FRS2: variants seen among roughly 807,000 people sequenced by gnomAD.
FRS2 encodes the protein FGFR signalling adaptor.
FRS2 carries 8 observed loss-of-function variants against 43.9 expected under a neutral mutation model. The observed-to-expected ratio is 0.18, with a 90% CI of 0.11 to 0.33. FRS2 has a LOEUF of 0.33. Among genes scored for constraint, FRS2 ranks in the 10% least tolerant of loss-of-function variants. The probability of loss-of-function intolerance (pLI) is 1.00; values close to 1 mark genes in which losing one functional copy is unlikely to be tolerated. For synonymous variants in FRS2, 219 were observed against 220.3 expected (o/e 0.99, Z 0.05); for missense variants, 534 against 627.6 (o/e 0.85, Z 1.59).
intron 1 of FRS2, among the ~76,000 whole-genome samples, chr12:69,526,750 G>A (rs1317409718): frequency 6.6e-6 from 1 of 150,902 alleles, no homozygotes; most frequent in African/African-American, 2.4e-5. Flanking sequence ...TTGAGACAGA[G>A]TGTCACTCCG....
chr12:69,528,610 A>G (rs1395759063), intron 1 of FRS2, among the ~76,000 whole-genome samples: 1 of 152,226 alleles, frequency 6.6e-6, no homozygotes, highest in Non-Finnish European at 1.5e-5. Flanking sequence ...GGAACTTAAG[A>G]ATCTTTTAAA....
At chr12:69,479,047 CT>C (rs1871116938) in intron 1 of FRS2, among the ~76,000 whole-genome samples, 1 of 151,386 alleles carries the variant, frequency 6.6e-6, no homozygotes, top group South Asian at 2.1e-4. Context: ...AAATGAGATA[CT>C]TTTGTTTTAA....
chr12:69,548,102 C>CT (rs1271849735), intron 3 of FRS2, among the ~76,000 whole-genome samples: 1 of 152,080 alleles, frequency 6.6e-6, no homozygotes, highest in East Asian at 1.9e-4. Flanking sequence ...ATCTACCCAC[C>CT]TTAGCCTCCC....
Position 69,574,019 on chromosome 12 carries a change from C to A in FRS2, c.591C>A (p.Val197=). ...LVAEEQVHTY[V]NTTGVQEERK... ...TTTTGTTTTAGGTACATACCTATGT[C>A]AACACTACAGGTGTGCAAGAAGAGC... is the stretch of plus-strand genomic sequence containing the variant. The change falls in exon 9 of 9, where the codon GTC becomes GTA. Residue 197 remains valine, a synonymous_variant. Transcript: ENST00000549921. The A allele has an allele frequency of 6.2e-7, 1 of 1,607,096 alleles. No individual in the cohort carries two copies. The highest frequency in any genetic ancestry group is 1.1e-5 in the South Asian group (1 of 89,886).
rs1357866045 is a variant in FRS2 at position 69,513,149 on chromosome 12, TTG to T, written c.-260-17714_-260-17713del. Among the ~76,000 whole-genome samples, 44 of 80,726 alleles carry T rather than the reference TTG, an allele frequency of 5.5e-4. No homozygotes were observed. In the South Asian group the frequency reaches 7.2e-3, roughly 13 times the overall value. The allele number at this position is 80,726 out of a possible 152,430, so 53.0% of individuals were successfully genotyped here. On this transcript the variant is annotated intron_variant, in intron 1 of 8. Transcript: ENST00000549921. ...CCAAATCTCTGGCAAAGTTTGGAGT[TTG>T]TTTTTTTTTTTTGACCTTTTAATAC...
At chr12:69,500,552 A>G (rs907568232) in intron 1 of FRS2, among the ~76,000 whole-genome samples, 1 of 152,236 alleles carries the variant, frequency 6.6e-6, no homozygotes, top group African/African-American at 2.4e-5. Flanking sequence ...TATAGTATCT[A>G]TTAGAACATT....
At chr12:69,530,590 A>G (rs1164061913) in intron 1 of FRS2, among the ~76,000 whole-genome samples, 1 of 151,984 alleles carries the variant, frequency 6.6e-6, no homozygotes, top group Non-Finnish European at 1.5e-5. Flanking sequence ...AATAATTTAA[A>G]AAATTGGCTG....
At chr12:69,560,323 A>G (rs1879779293) in intron 3 of FRS2, among the ~76,000 whole-genome samples, 1 of 152,164 alleles carries the variant, frequency 6.6e-6, no homozygotes, top group African/African-American at 2.4e-5. Context: ...TAGCTCTGTG[A>G]AGTGGGTGTC....
At chr12:69,496,008 A>T (rs1219507966) in intron 1 of FRS2, among the ~76,000 whole-genome samples, 1 of 152,242 alleles carries the variant, frequency 6.6e-6, no homozygotes, top group African/African-American at 2.4e-5. Context: ...GTTTTAACTT[A>T]CATTTAGCTT....
At chr12:69,572,696 A>G (rs1280894533) in intron 8 of FRS2, among the ~76,000 whole-genome samples, 1 of 152,216 alleles carries the variant, frequency 6.6e-6, no homozygotes, top group Non-Finnish European at 1.5e-5. Context: ...GCTAGTTTTC[A>G]TGTGTGGAAT....
chr12:69,530,648 TGGGA>T (rs1404123762), intron 1 of FRS2, among the ~76,000 whole-genome samples: 2 of 151,804 alleles, frequency 1.3e-5, no homozygotes, highest in Non-Finnish European at 2.9e-5. Flanking sequence ...AAGGCTGAGG[TGGGA>T]GGATCGCCTG....
In FRS2 at chr12:69,578,238, A is replaced by C. The variant is rs1484672244; in HGVS notation, c.*3283A>C. 6.6e-6 allele frequency: 1 copy of C among 152,634 alleles called. No homozygotes were observed. The highest frequency in any genetic ancestry group is 1.5e-5 in the Non-Finnish European group (1 of 68,030). The allele number at this position is 152,634 out of a possible 1,614,324, so 9.5% of individuals were successfully genotyped here. On this transcript the variant is annotated 3_prime_UTR_variant, in exon 9 of 9. Coordinates refer to ENST00000549921, the MANE Select transcript of FRS2 (RefSeq NM_001278356.2). ...AAATACATATATTCTTGAAATAGAC[A>C]TACCATCAGAGACATCATTCACAAG...
In FRS2 at chr12:69,571,400, A is replaced by G. The variant is rs2135811568; in HGVS notation, c.378A>G (p.Glu126=). The change falls in exon 7 of 9, where the codon GAA becomes GAG. Residue 126 remains glutamate (E), a synonymous_variant. Coordinates refer to ENST00000549921, the MANE Select transcript of FRS2 (RefSeq NM_001278356.2). ...PVVERNNHQT[E]LEVPRTPRTP... ...TAGAAAGAAATAATCATCAGACAGA[A>G]TTGGAAGTCCCTAGAACACCTCGAA... 6.2e-7 allele frequency: 1 copy of G among 1,613,270 alleles called. No homozygotes were observed. Among genetic ancestry groups the G allele is most frequent in the East Asian group, 2.2e-5 (1 of 44,866 alleles).
chr12:69,506,995 A>T (rs951819710), intron 1 of FRS2, among the ~76,000 whole-genome samples: 6 of 152,210 alleles, frequency 3.9e-5, no homozygotes, highest in Middle Eastern at 3.2e-3. Flanking sequence ...CCACCACGTG[A>T]TGCCCTCTGC....
chr12:69,514,157 A>C (rs1433771231), intron 1 of FRS2, among the ~76,000 whole-genome samples: 1 of 152,190 alleles, frequency 6.6e-6, no homozygotes, highest in Non-Finnish European at 1.5e-5. Flanking sequence ...ATGTTTTAAA[A>C]GGAAATTGGG....
chr12:69,568,885 G>A, intron 4 of FRS2, 120 bp from the exon 5 acceptor site: 1 of 502,670 alleles, frequency 2.0e-6, no homozygotes, highest in Non-Finnish European at 3.5e-6. Context: ...CATATACCTT[G>A]TTGGACTTAA....
intron 1 of FRS2, among the ~76,000 whole-genome samples, chr12:69,489,419 C>G (rs1473965630): frequency 6.6e-6 from 1 of 152,142 alleles, no homozygotes; most frequent in Admixed American, 6.5e-5. Flanking sequence ...CCTATAATCC[C>G]AGCACTTTTG....
At chr12:69,532,251 G>T (rs1317748445) in intron 3 of FRS2, among the ~76,000 whole-genome samples, 195 bp downstream of exon 3, 1 of 152,146 alleles carries the variant, frequency 6.6e-6, no homozygotes, top group African/African-American at 2.4e-5. Context: ...TTGAATTTAG[G>T]ATAAAAGGGA....
At chr12:69,494,316 G>A (rs563985778) in intron 1 of FRS2, among the ~76,000 whole-genome samples, 67 of 152,318 alleles carry the variant, frequency 4.4e-4, no homozygotes, top group African/African-American at 1.6e-3. Flanking sequence ...TTACTCTGAA[G>A]AATGGTAACT....
Sources: gnomAD v4.1 joint callset for allele counts (sites outside exome capture counted in the v4.1 genomes callset) on GRCh38, gnomAD v4.1.1 for gene constraint, MANE v1.5 for transcripts, NCBI Gene and HGNC (gene_info 2026-07-23, HGNC 2026-07-21) for gene names.